Variants in FBXO45 observed in about 807,000 individuals in gnomAD.
FBXO45 encodes F-box protein 45.
FBXO45 carries 3 observed loss-of-function variants against 25.5 expected under a neutral mutation model. The ratio of observed to expected loss-of-function variants is 0.12; its 90% CI spans 0.05 to 0.30. The LOEUF (loss-of-function observed/expected upper bound fraction) is 0.30, where lower values mean the gene tolerates loss of function less well. Among genes scored for constraint, FBXO45 ranks in the 10% least tolerant of loss-of-function variants. The pLI is 1.00. For synonymous variants in FBXO45, 155 were observed against 149.8 expected, an observed-to-expected ratio of 1.03 and a Z score of -0.25; for missense variants, 219 against 365.0, an observed-to-expected ratio of 0.60 and a Z score of 3.26.
At chr3:196,578,043 A>ATTTTTTTTTTTTTTTTTTTTTT (rs1196867210) in intron 2 of FBXO45, among the ~76,000 whole-genome samples, 1 of 25,190 alleles carries the variant, frequency 4.0e-5, no homozygotes, top group Admixed American at 4.5e-4. Flanking sequence ...GCAGAAAAAT[A>ATTTTTTTTTTTTTTTTTTTTTT]TTCTTTTTTT....
chr3:196,587,741 T>G lies in FBXO45; in HGVS notation c.*3423T>G, dbSNP rs1260124139. The G allele has an allele frequency of 6.6e-6, 1 of 152,128 alleles. No homozygotes were observed. Among genetic ancestry groups the G allele is most frequent in the African/African-American group, 2.4e-5 (1 of 41,414 alleles). The allele number at this position is 152,128 out of a possible 1,614,324, so 9.4% of individuals were successfully genotyped here. A position where few individuals can be genotyped will look rare whatever the true frequency, so the allele number is the denominator to read the frequency against. ...TTGTCATATTAATATTAATTTTTTTTTGTTATTTTGAAGAAGTGAGTAATT... is the reference window on the plus strand; with the variant it reads ...TTGTCATATTAATATTAATTTTTTTGTGTTATTTTGAAGAAGTGAGTAATT... On this transcript the variant is annotated 3_prime_UTR_variant, in exon 3 of 3. Transcript: ENST00000311630.
Position 196,586,133 on chromosome 3 carries a change from G to T in FBXO45, c.*1815G>T, listed in dbSNP as rs1005146321. ...GGTGGTATAGAAATTGATTTTTCTT[G>T]GTGTAGAACAACTCAGTTCGGCAAA... On this transcript the variant is annotated 3_prime_UTR_variant, in exon 3 of 3. Coordinates refer to ENST00000311630, the MANE Select transcript of FBXO45 (RefSeq NM_001105573.2). The T allele has an allele frequency of 6.6e-6, 1 of 152,130 alleles. No homozygotes were observed. Among genetic ancestry groups the T allele is most frequent in the African/African-American group, 2.4e-5 (1 of 41,422 alleles). 9.4% of individuals were successfully genotyped at this position (152,130 alleles called of 1,614,324 possible).
In FBXO45 at chr3:196,586,839, T is replaced by TG. The variant is rs1736119024; in HGVS notation, c.*2522dup. The TG allele has an allele frequency of 6.6e-6, 1 of 152,170 alleles. No individual in the cohort carries two copies. Among genetic ancestry groups the TG allele is most frequent in the African/African-American group, 2.4e-5 (1 of 41,416 alleles). The allele number at this position is 152,170 out of a possible 1,614,324, so 9.4% of individuals were successfully genotyped here. On this transcript the variant is annotated 3_prime_UTR_variant, in exon 3 of 3. Transcript: ENST00000311630. The stretch of plus-strand genomic sequence containing the variant: ...TAAAAACTTTCTGGTCATTTCAATA[T>TG]GCTGCCAAGGTTGAGAACCACTGTT...
At chr3:196,575,521 G>A (rs1735898182) in intron 1 of FBXO45, among the ~76,000 whole-genome samples, 1 of 151,452 alleles carries the variant, frequency 6.6e-6, no homozygotes, top group Admixed American at 6.6e-5. Context: ...ATGTGAAATT[G>A]GAATTTATAA....
chr3:196,578,741 T>C (rs575388524), intron 2 of FBXO45, among the ~76,000 whole-genome samples: 2 of 152,336 alleles, frequency 1.3e-5, no homozygotes, highest in Admixed American at 6.5e-5. Flanking sequence ...AAGATGGCTT[T>C]GATTGTGACC....
rs536540465 is a variant in FBXO45, at chr3:196,580,309, T to A, written c.675+2500T>A. 4.7e-4 allele frequency among the ~76,000 whole-genome samples: 71 copies of A among 152,106 alleles called. No individual in the cohort carries two copies. The East Asian group carries it at 0.012, about 27-fold the overall frequency. On this transcript the variant is annotated intron_variant, in intron 2 of 2. Coordinates refer to ENST00000311630, the MANE Select transcript of FBXO45 (RefSeq NM_001105573.2). ...CAACCTCTGCCTCCCGGGTCCCGGT[T>A]CAAGCAGTTCTCCTACCTCAGCCTC...
intron 2 of FBXO45, among the ~76,000 whole-genome samples, 174 bp downstream of exon 2, chr3:196,577,983 TA>T (rs1348492344): frequency 2.0e-5 from 3 of 150,490 alleles, no homozygotes; most frequent in South Asian, 2.1e-4. Context: ...TTTTTAATGT[TA>T]GGGGGTTATA....
intron 1 of FBXO45, among the ~76,000 whole-genome samples, chr3:196,572,471 G>C (rs2108726061): frequency 6.6e-6 from 1 of 152,316 alleles, no homozygotes; most frequent in South Asian, 2.1e-4. Context: ...CCTGAAGGAT[G>C]ATAAGTAGGC....
In FBXO45 at chr3:196,587,141, G is replaced by A. The variant is rs1311883429; in HGVS notation, c.*2823G>A. 6.6e-6 allele frequency: 1 copy of A among 152,158 alleles called. No individual in the cohort carries two copies. 9.4% of individuals were successfully genotyped at this position (152,158 alleles called of 1,614,324 possible). A position where few individuals can be genotyped will look rare whatever the true frequency, so the allele number is the denominator to read the frequency against. ...GAAGCATGCAGATGTGGAAGCAGAC[G>A]TTACTATTATCCCTACTATGGTCTT... On this transcript the variant is annotated 3_prime_UTR_variant, in exon 3 of 3. Transcript: ENST00000311630.
intron 2 of FBXO45, among the ~76,000 whole-genome samples, chr3:196,583,011 C>A (rs1304903812): frequency 6.6e-6 from 1 of 152,146 alleles, no homozygotes; most frequent in African/African-American, 2.4e-5. Context: ...CTATTATGTT[C>A]ATTCCCTATT....
chr3:196,572,091 C>T (rs1303155080), intron 1 of FBXO45, among the ~76,000 whole-genome samples: 1 of 152,094 alleles, frequency 6.6e-6, no homozygotes, highest in East Asian at 1.9e-4. Context: ...TATATTTGAG[C>T]TGAATTTTAA....
In FBXO45 at chr3:196,569,084, G is replaced by T; in HGVS notation, c.100G>T (p.Gly34Trp). The change falls in exon 1 of 3, where the codon GGG becomes TGG. Residue 34 changes from glycine to tryptophan, a missense_variant. By Grantham distance (184) the Gly-to-Trp change is radical (BLOSUM62 -2). This residue lies in a region of FBXO45 where 138 missense variants were observed against 157.3 expected (regional missense o/e 0.88). Coordinates refer to ENST00000311630, the MANE Select transcript of FBXO45 (RefSeq NM_001105573.2). The surrounding 1 kb of genome is among the most constrained non-coding windows in gnomAD (Gnocchi z 4.1). ...CGCGGGCTCGGGCTCTGGGGCCGCG[G>T]GGGCCGGGGGCCGGCTGCCCAGCCG... ...AGAGSGSGAA[G>W]AGGRLPSRVL... 1 of 1,444,766 alleles carries T rather than the reference G, an allele frequency of 6.9e-7. No homozygotes were observed. The highest frequency in any genetic ancestry group is 9.2e-7 in the Non-Finnish European group (1 of 1,085,692). The allele number at this position is 1,444,766 out of a possible 1,614,324, so 89.5% of individuals were successfully genotyped here.
At position 196,588,455 on chromosome 3, in the gene FBXO45, C is replaced by G. The variant is rs1318382386; in HGVS notation, c.*4137C>G. 1.3e-5 allele frequency: 2 copies of G among 152,206 alleles called. No individual in the cohort carries two copies. The highest frequency in any genetic ancestry group is 4.8e-5 in the African/African-American group (2 of 41,440). 9.4% of individuals were successfully genotyped at this position (152,206 alleles called of 1,614,324 possible). On this transcript the variant is annotated 3_prime_UTR_variant, in exon 3 of 3. Transcript: ENST00000311630. This position sits in a 1 kb window ranked among gnomAD's most constrained non-coding sequence, Gnocchi z 4.2. ...CACAATTGGGACTGTGGTAGATAAT[C>G]AGGACCACTTGGAAGCCTTTATTAG...
chr3:196,571,740 A>G (rs1393747439), intron 1 of FBXO45, among the ~76,000 whole-genome samples: 2 of 152,064 alleles, frequency 1.3e-5, no homozygotes, highest in African/African-American at 2.4e-5. Flanking sequence ...TTTCTTTTGT[A>G]TCCTTCCAGA....
intron 1 of FBXO45, among the ~76,000 whole-genome samples, chr3:196,576,109 G>C (rs1481091388): frequency 6.6e-6 from 1 of 152,224 alleles, no homozygotes; most frequent in African/African-American, 2.4e-5. Flanking sequence ...ATAGTTCTCT[G>C]TTTTTAAATC....
At position 196,568,843 on chromosome 3, in the gene FBXO45, G is replaced by A. The variant is rs1049383320; in HGVS notation, c.-142G>A. ...CGGCGGACGCCCCCGGGCAGGGGCG[G>A]GAGTGGTGGAGGCGCCGGCGGTTGG... On this transcript the variant is annotated 5_prime_UTR_variant, in exon 1 of 3. Coordinates refer to ENST00000311630, the MANE Select transcript of FBXO45 (RefSeq NM_001105573.2). 5.8e-6 allele frequency: 3 copies of A among 513,926 alleles called. No homozygotes were observed. The highest frequency in any genetic ancestry group is 7.5e-6 in the Non-Finnish European group (3 of 398,878). 31.8% of individuals were successfully genotyped at this position (513,926 alleles called of 1,614,324 possible).
At chr3:196,578,986 T>C (rs1302052536) in intron 2 of FBXO45, among the ~76,000 whole-genome samples, 1 of 152,200 alleles carries the variant, frequency 6.6e-6, no homozygotes, top group African/African-American at 2.4e-5. Context: ...TAAATACAGC[T>C]CTGTGCATGC....
rs1337517716 is a variant in FBXO45 at position 196,585,449 on chromosome 3, CTCGT to C, written c.*1133_*1136del. 8 of 152,210 alleles carry C rather than the reference CTCGT, an allele frequency of 5.3e-5. No homozygotes were observed. Among genetic ancestry groups the C allele is most frequent in the Non-Finnish European group, 1.0e-4 (7 of 68,022 alleles). The allele number at this position is 152,210 out of a possible 1,614,324, so 9.4% of individuals were successfully genotyped here. A position where few individuals can be genotyped will look rare whatever the true frequency, so the allele number is the denominator to read the frequency against. On this transcript the variant is annotated 3_prime_UTR_variant, in exon 3 of 3. Coordinates refer to ENST00000311630, the MANE Select transcript of FBXO45 (RefSeq NM_001105573.2). ...TCATGCAACTAATCTAAGCCTCAAACTCGTTATTGGGGCTATAAAGAAAACGTTT... is the reference window on the plus strand; with the variant it reads ...TCATGCAACTAATCTAAGCCTCAAACTATTGGGGCTATAAAGAAAACGTTT...
intron 2 of FBXO45, among the ~76,000 whole-genome samples, chr3:196,580,088 G>A (rs141553260): frequency 6.6e-6 from 1 of 151,862 alleles, no homozygotes; most frequent in Admixed American, 6.6e-5. Flanking sequence ...CACCTCCCAG[G>A]TTCAAGTGAT....
Sources: allele counts gnomAD v4.1 joint callset (sites outside exome capture counted in the v4.1 genomes callset), GRCh38; gene constraint gnomAD v4.1.1; regional missense constraint gnomAD v4.1.1; non-coding constraint Gnocchi (gnomAD v3.1); transcripts MANE v1.5; gene names NCBI Gene and HGNC (gene_info 2026-07-23, HGNC 2026-07-21).